The following KLHDC3 variants were observed in gnomAD, a reference collection of about 807,000 sequenced individuals.
KLHDC3 encodes the protein kelch domain containing 3.
A neutral mutation model predicts 44.1 loss-of-function variants in KLHDC3; 5 were observed. The ratio of observed to expected loss-of-function variants is 0.11; its 90% CI spans 0.06 to 0.24. KLHDC3 has a LOEUF of 0.24. Ranked by LOEUF, KLHDC3 falls within the 10% of genes least tolerant of loss-of-function variation. The pLI is 1.00. For synonymous variants in KLHDC3, 170 were observed against 189.0 expected, an observed-to-expected ratio of 0.90 and a Z score of 0.82; for missense variants, 247 against 514.3, an observed-to-expected ratio of 0.48 and a Z score of 5.03.
In KLHDC3 at chr6:43,017,017, G is replaced by C. The variant is rs1374022707; in HGVS notation, c.-59-117G>C. On this transcript the variant is annotated intron_variant, in intron 1 of 10. Transcript: ENST00000326974. This position sits in a 1 kb window ranked among gnomAD's most constrained non-coding sequence, Gnocchi z 6.0. ...CTGAGACTAGTGCCCCTGTGGAGGG[G>C]TAGTGTGGGAGGGCCCCCAGGGTGA... 1.4e-6 allele frequency: 1 copy of C among 709,386 alleles called. No homozygotes were observed. Among genetic ancestry groups the C allele is most frequent in the Non-Finnish European group, 2.4e-6 (1 of 418,254 alleles). 43.9% of individuals were successfully genotyped at this position (709,386 alleles called of 1,614,324 possible).
At chr6:43,020,364 T>C (rs1561860205) in intron 10 of KLHDC3, among the ~76,000 whole-genome samples, 2 of 152,128 alleles carry the variant, frequency 1.3e-5, no homozygotes, top group South Asian at 4.1e-4. Flanking sequence ...GAAAGGCAGG[T>C]TGGGATGTTG....
chr6:43,018,000 G>T lies in KLHDC3; in HGVS notation c.447+32G>T. On this transcript the variant is annotated intron_variant, in intron 4 of 10. Transcript: ENST00000326974. The surrounding 1 kb of genome is among the most constrained non-coding windows in gnomAD (Gnocchi z 6.0). ...CTGGGAATAAAATAAGAGGTTTAGG[G>T]TGGGACTGAGAAAGAGGGGAAGGGC... 2 of 1,572,586 alleles carry T rather than the reference G, an allele frequency of 1.3e-6. No individual in the cohort carries two copies. The highest frequency in any genetic ancestry group is 1.8e-6 in the Non-Finnish European group (2 of 1,142,366).
chr6:43,020,091 G>A (rs1762655847), intron 10 of KLHDC3, among the ~76,000 whole-genome samples: 1 of 152,150 alleles, frequency 6.6e-6, no homozygotes, highest in South Asian at 2.1e-4. Flanking sequence ...CAAGAGAATT[G>A]CTTGAACCCG....
chr6:43,018,415 C>G lies in KLHDC3; in HGVS notation c.592C>G (p.Arg198Gly). The change falls in exon 6 of 11, where the codon CGT becomes GGT. Residue 198 changes from arginine to glycine, a missense_variant. Transcript: ENST00000326974. This position sits in a 1 kb window ranked among gnomAD's most constrained non-coding sequence, Gnocchi z 6.0. ...LGSHMYVFGG[R>G]ADRFGPFHSN... ...AAGTCACATGTATGTCTTTGGGGGC[C>G]GTGCCGACCGCTTTGGGCCATTCCA... is the stretch of plus-strand genomic sequence containing the variant. The G allele has an allele frequency of 1.9e-6, 3 of 1,614,102 alleles. No individual in the cohort carries two copies. The highest frequency in any genetic ancestry group is 2.5e-6 in the Non-Finnish European group (3 of 1,180,002).
chr6:43,015,580 T>C (rs1192944531), intron 1 of KLHDC3, among the ~76,000 whole-genome samples: 1 of 152,148 alleles, frequency 6.6e-6, no homozygotes, highest in Non-Finnish European at 1.5e-5. Context: ...CTGGGCATGG[T>C]GGCTCACGCC....
chr6:43,021,203 C>T lies in KLHDC3; in HGVS notation c.*470C>T. ...TCTCCCCGTCTTGGGGAGGTGGGGA[C>T]CAGCAGATAAATCCCACCCTTCCTT... On this transcript the variant is annotated 3_prime_UTR_variant, in exon 11 of 11. Coordinates refer to ENST00000326974, the MANE Select transcript of KLHDC3 (RefSeq NM_057161.4). 2.4e-6 allele frequency: 1 copy of T among 421,400 alleles called. No homozygotes were observed. Among genetic ancestry groups the T allele is most frequent in the Non-Finnish European group, 4.8e-6 (1 of 209,220 alleles). The allele number at this position is 421,400 out of a possible 1,614,324, so 26.1% of individuals were successfully genotyped here. A position where few individuals can be genotyped will look rare whatever the true frequency, so the allele number is the denominator to read the frequency against.
In KLHDC3 at chr6:43,017,380, A is replaced by G. The variant is rs377589034; in HGVS notation, c.154+34A>G. The G allele has an allele frequency of 8.1e-6, 13 of 1,597,210 alleles. No homozygotes were observed. The highest frequency in any genetic ancestry group is 1.7e-5 in the Admixed American group (1 of 59,408). ...ATGCTGGGGCTGTCCCTGGGTCCCC[A>G]CATCAGGGTGGGAACGGGCTGCTGA... On this transcript the variant is annotated intron_variant, in intron 2 of 10. Coordinates refer to ENST00000326974, the MANE Select transcript of KLHDC3 (RefSeq NM_057161.4). The surrounding 1 kb of genome is among the most constrained non-coding windows in gnomAD (Gnocchi z 6.0).
At position 43,017,605 on chromosome 6, in the gene KLHDC3, T is replaced by A. The variant is rs200396891; in HGVS notation, c.241T>A (p.Ser81Thr). 3.4e-5 allele frequency: 55 copies of A among 1,613,918 alleles called. No homozygotes were observed. Among genetic ancestry groups the A allele is most frequent in the Non-Finnish European group, 4.4e-5 (52 of 1,179,978 alleles). ...GGTACCCTACATGCGCTATGGACAC[T>A]CAACCGTCCTCATCGACGACACAGT... Reference protein sequence around the residue: ...PVVPYMRYGHSTVLIDDTVLL... With the variant: ...PVVPYMRYGHTTVLIDDTVLL... Residue 81 changes from serine (S) to threonine (T), a missense_variant, in exon 3 of 11, where the codon TCA (serine) becomes ACA (threonine). Coordinates refer to ENST00000326974, the MANE Select transcript of KLHDC3 (RefSeq NM_057161.4). The surrounding 1 kb of genome is among the most constrained non-coding windows in gnomAD (Gnocchi z 6.0).
chr6:43,018,013 A>G lies in KLHDC3; in HGVS notation c.447+45A>G. ...AAGAGGTTTAGGGTGGGACTGAGAA[A>G]GAGGGGAAGGGCAATTTAGGATGGT... On this transcript the variant is annotated intron_variant, in intron 4 of 10. Transcript: ENST00000326974. The surrounding 1 kb of genome is among the most constrained non-coding windows in gnomAD (Gnocchi z 6.0). 6.5e-7 allele frequency: 1 copy of G among 1,543,162 alleles called. No individual in the cohort carries two copies. Among genetic ancestry groups the G allele is most frequent in the Non-Finnish European group, 9.0e-7 (1 of 1,115,674 alleles).
chr6:43,019,505 G>A (rs1762645425), intron 10 of KLHDC3, 139 bp downstream of exon 10: 10 of 638,106 alleles, frequency 1.6e-5, no homozygotes, highest in Non-Finnish European at 1.4e-5. Context: ...TGGGAAATGA[G>A]ATGGAAGGAG....
chr6:43,018,746 A>G lies in KLHDC3; in HGVS notation c.820+27A>G. On this transcript the variant is annotated intron_variant, in intron 7 of 10. Transcript: ENST00000326974. This position sits in a 1 kb window ranked among gnomAD's most constrained non-coding sequence, Gnocchi z 6.0. Reference sequence around the variant, plus strand: ...TAAAGAGCACTGCATTTAGGGCAGGAACAAGGAGCAATTGAGGTGGGAGGA... The same window carrying G: ...TAAAGAGCACTGCATTTAGGGCAGGGACAAGGAGCAATTGAGGTGGGAGGA... The G allele has an allele frequency of 6.2e-7, 1 of 1,601,490 alleles. No individual in the cohort carries two copies. Among genetic ancestry groups the G allele is most frequent in the Non-Finnish European group, 8.6e-7 (1 of 1,168,468 alleles).
chr6:43,015,181 G>A (rs2150289653), intron 1 of KLHDC3, among the ~76,000 whole-genome samples: 1 of 152,272 alleles, frequency 6.6e-6, no homozygotes, highest in African/African-American at 2.4e-5. Flanking sequence ...CACAAGCCCA[G>A]ACCCAAGATA....
chr6:43,018,583 G>A lies in KLHDC3; in HGVS notation c.733+27G>A. 1 of 1,613,084 alleles carries A rather than the reference G, an allele frequency of 6.2e-7. No individual in the cohort carries two copies. The highest frequency in any genetic ancestry group is 8.5e-7 in the Non-Finnish European group (1 of 1,179,128). ...TGAGTGTTTGTTACTTCCCTGTGGA[G>A]TTCCCTTCCTGCCCTCTTCACACTC... On this transcript the variant is annotated intron_variant, in intron 6 of 10. Coordinates refer to ENST00000326974, the MANE Select transcript of KLHDC3 (RefSeq NM_057161.4). The surrounding 1 kb of genome is among the most constrained non-coding windows in gnomAD (Gnocchi z 6.0).
chr6:43,018,632 G>A lies in KLHDC3; in HGVS notation c.734-1G>A. ...TCCTGACACTTCCTCTCTCCTTCCA[G>A]TTGGCTACAATGGGGAGCTGTACAT... On this transcript the variant is annotated splice_acceptor_variant, in intron 6 of 10. Coordinates refer to ENST00000326974, the MANE Select transcript of KLHDC3 (RefSeq NM_057161.4). LOFTEE classifies it high-confidence loss of function. This position sits in a 1 kb window ranked among gnomAD's most constrained non-coding sequence, Gnocchi z 6.0. 6.2e-7 allele frequency: 1 copy of A among 1,613,800 alleles called. No individual in the cohort carries two copies. Among genetic ancestry groups the A allele is most frequent in the Non-Finnish European group, 8.5e-7 (1 of 1,179,772 alleles).
At chr6:43,020,630 C>G in intron 10 of KLHDC3, 37 bp from the exon 11 acceptor site, 9 of 1,547,814 alleles carry the variant, frequency 5.8e-6, no homozygotes, top group Non-Finnish European at 8.0e-6. Context: ...GGCTGAGGGC[C>G]CCCTCTTCTT....
chr6:43,021,090 C>T lies in KLHDC3; in HGVS notation c.*357C>T, dbSNP rs535641675. The T allele has an allele frequency of 1.0e-4, 51 of 486,134 alleles. No homozygotes were observed. Among genetic ancestry groups the T allele is most frequent in the East Asian group, 7.3e-4 (12 of 16,416 alleles). The allele number at this position is 486,134 out of a possible 1,614,324, so 30.1% of individuals were successfully genotyped here. ...TCTGAGCCTCAGGAGCTTCCCCCTC[C>T]CCCTTTGCCTATCCCCTCCCCTCTG... is the stretch of plus-strand genomic sequence containing the variant. On this transcript the variant is annotated 3_prime_UTR_variant, in exon 11 of 11. Transcript: ENST00000326974.
intron 1 of KLHDC3, among the ~76,000 whole-genome samples, chr6:43,015,153 C>G (rs1422784424): frequency 6.6e-6 from 1 of 152,166 alleles, no homozygotes; most frequent in Non-Finnish European, 1.5e-5. Flanking sequence ...TTAAGCCCAT[C>G]GACCTCCTAA....
intron 1 of KLHDC3, chr6:43,016,842 G>A: frequency 3.6e-6 from 1 of 279,180 alleles, no homozygotes; most frequent in Non-Finnish European, 6.9e-6. Flanking sequence ...GGACAGAGTG[G>A]AGCCTCCACG....
rs1561859343 is a variant in KLHDC3, at chr6:43,018,340, C to T, written c.520-3C>T. 5.0e-6 allele frequency: 8 copies of T among 1,612,906 alleles called. No individual in the cohort carries two copies. The highest frequency in any genetic ancestry group is 6.8e-6 in the Non-Finnish European group (8 of 1,179,550). On this transcript the variant is annotated splice_polypyrimidine_tract_variant and splice_region_variant and intron_variant, in intron 5 of 10. Coordinates refer to ENST00000326974, the MANE Select transcript of KLHDC3 (RefSeq NM_057161.4). This position sits in a 1 kb window ranked among gnomAD's most constrained non-coding sequence, Gnocchi z 6.0. ...CCTCCACCATCTCTCTGCCTCTGCC[C>T]AGGGCAGCCCTGCACGCTGGAGGGA...
Sources: gnomAD v4.1 joint callset for allele counts (sites outside exome capture counted in the v4.1 genomes callset) on GRCh38, gnomAD v4.1.1 for gene constraint, Gnocchi (gnomAD v3.1) non-coding constraint, MANE v1.5 for transcripts, NCBI Gene and HGNC (gene_info 2026-07-23, HGNC 2026-07-21) for gene names.